ZBTB16: variants seen among roughly 807,000 people sequenced by gnomAD.
The protein encoded by ZBTB16 is zinc finger and BTB domain-containing protein 16.
In ZBTB16, 8 loss-of-function variants were observed where a neutral mutation model predicts 56.8. The observed-to-expected ratio is 0.14, with a 90% confidence interval of 0.08 to 0.25. ZBTB16 has a LOEUF of 0.25. Ranked by LOEUF, ZBTB16 falls within the 10% of genes least tolerant of loss-of-function variation. The pLI is 1.00. For missense variants in ZBTB16, 625 were observed against 903.0 expected, an observed-to-expected ratio of 0.69 and a Z score of 3.95; for synonymous variants, 363 against 368.5, an observed-to-expected ratio of 0.98 and a Z score of 0.17.
intron 2 of ZBTB16, among the ~76,000 whole-genome samples, chr11:114,139,289 G>C (rs1941881713): frequency 6.6e-6 from 1 of 152,136 alleles, no homozygotes; most frequent in African/African-American, 2.4e-5. Context: ...AGTCCTGAAG[G>C]GGATGGGGGC....
In ZBTB16 at chr11:114,250,409, G is replaced by T; in HGVS notation, c.1876G>T (p.Gly626Cys). 1.9e-6 allele frequency: 3 copies of T among 1,614,064 alleles called. No individual in the cohort carries two copies. In the South Asian group the frequency reaches 3.3e-5, roughly 18 times the overall value. ...AMIKHLRTHN[G>C]ASPYQCTICT... is the part of the protein sequence containing the mutation. ...GATCAAGCACCTGAGAACGCACAAC[G>T]GCGCCTCGCCCTACCAGTGCACCAT... Residue 626 changes from glycine (G) to cysteine (C), a missense_variant, in exon 7 of 7, where the codon GGC (glycine) becomes TGC (cysteine). By Grantham distance (159) the Gly-to-Cys change is radical. Coordinates refer to ENST00000335953, the MANE Select transcript of ZBTB16 (RefSeq NM_006006.6). The surrounding 1 kb of genome is among the most constrained non-coding windows in gnomAD (Gnocchi z 6.0).
intron 4 of ZBTB16, among the ~76,000 whole-genome samples, chr11:114,202,139 C>G (rs1943750427): frequency 6.6e-6 from 1 of 152,194 alleles, no homozygotes; most frequent in Non-Finnish European, 1.5e-5. Context: ...CTGTCTTGTT[C>G]ACTATGGGCC....
At chr11:114,197,457 C>T (rs971899120) in intron 4 of ZBTB16, among the ~76,000 whole-genome samples, 5 of 151,942 alleles carry the variant, frequency 3.3e-5, no homozygotes, top group Admixed American at 3.3e-4. Flanking sequence ...CTCTCTTTGT[C>T]TCTCTCTCTC....
chr11:114,237,526 A>C (rs1176805408), intron 4 of ZBTB16, among the ~76,000 whole-genome samples: 1 of 152,246 alleles, frequency 6.6e-6, no homozygotes, highest in Non-Finnish European at 1.5e-5. Flanking sequence ...AGAGCGTTCC[A>C]GTGCTGCCGG....
intron 2 of ZBTB16, among the ~76,000 whole-genome samples, chr11:114,121,119 C>T (rs150318910): frequency 6.6e-6 from 1 of 152,346 alleles, no homozygotes; most frequent in East Asian, 1.9e-4. Context: ...CTGGGTTTTT[C>T]AGATCCCACT....
At chr11:114,217,136 G>C (rs139386768) in intron 4 of ZBTB16, among the ~76,000 whole-genome samples, 1 of 152,348 alleles carries the variant, frequency 6.6e-6, no homozygotes, top group Non-Finnish European at 1.5e-5. Flanking sequence ...GGCCTGAGTA[G>C]CTCAGCTGAG....
At chr11:114,231,748 A>G (rs1257450711) in intron 4 of ZBTB16, among the ~76,000 whole-genome samples, 1 of 152,172 alleles carries the variant, frequency 6.6e-6, no homozygotes, top group Non-Finnish European at 1.5e-5. Context: ...TCTTTAGCTA[A>G]AAGAAGGCTG....
rs1414620250 is a variant in ZBTB16, at chr11:114,064,014, G to A, written c.714G>A (p.Val238=). The A allele has an allele frequency of 6.2e-7, 1 of 1,613,318 alleles. No individual in the cohort carries two copies. The highest frequency in any genetic ancestry group is 8.5e-7 in the Non-Finnish European group (1 of 1,179,690). The change falls in exon 2 of 7, where the codon GTG becomes GTA. Residue 238 remains valine (V), a synonymous_variant. Coordinates refer to ENST00000335953, the MANE Select transcript of ZBTB16 (RefSeq NM_006006.6). This position sits in a 1 kb window ranked among gnomAD's most constrained non-coding sequence, Gnocchi z 4.2. ...TLAGGGRHPG[V]AEVKTEMMQV... ...CTGGGGGTGGGCGGCACCCTGGGGTGGCTGAGGTGAAGACGGAGATGATGC... is the reference window on the plus strand; with the variant it reads ...CTGGGGGTGGGCGGCACCCTGGGGTAGCTGAGGTGAAGACGGAGATGATGC...
intron 2 of ZBTB16, among the ~76,000 whole-genome samples, chr11:114,079,375 T>A (rs998977593): frequency 2.0e-5 from 3 of 152,206 alleles, no homozygotes; most frequent in Non-Finnish European, 4.4e-5. Flanking sequence ...TGAAATCTTT[T>A]GTTTTGGGCA....
chr11:114,067,370 G>A (rs1939155711), intron 2 of ZBTB16, among the ~76,000 whole-genome samples: 1 of 152,148 alleles, frequency 6.6e-6, no homozygotes, highest in Admixed American at 6.5e-5. Flanking sequence ...AATCCTCCGT[G>A]TCACATGTGG....
intron 2 of ZBTB16, among the ~76,000 whole-genome samples, chr11:114,078,776 T>A (rs1400116285): frequency 6.6e-6 from 1 of 152,004 alleles, no homozygotes; most frequent in Non-Finnish European, 1.5e-5. Context: ...CAGTATGGAA[T>A]GAAGGGAAGA....
At position 114,064,936 on chromosome 11, in the gene ZBTB16, T is replaced by C. The variant is rs1358086769; in HGVS notation, c.1268+368T>C. ...GAAAAGGAGTGGGATGAGGGTCTCT[T>C]GGGCCCTGCATCTGACCATGTTACT... On this transcript the variant is annotated intron_variant, in intron 2 of 6. Transcript: ENST00000335953. The surrounding 1 kb of genome is among the most constrained non-coding windows in gnomAD (Gnocchi z 4.2). 3.9e-5 allele frequency among the ~76,000 whole-genome samples: 6 copies of C among 152,156 alleles called. No individual in the cohort carries two copies. Among genetic ancestry groups the C allele is most frequent in the Non-Finnish European group, 8.8e-5 (6 of 68,032 alleles).
intron 4 of ZBTB16, among the ~76,000 whole-genome samples, chr11:114,206,520 T>C (rs1464645122): frequency 6.6e-6 from 1 of 152,104 alleles, no homozygotes; most frequent in African/African-American, 2.4e-5. Flanking sequence ...CGTCTGTGAG[T>C]CAGGGTCTGC....
rs759674162 is a variant in ZBTB16, at chr11:114,251,446, A to G, written c.*891A>G. 2.0e-5 allele frequency among the ~76,000 whole-genome samples: 3 copies of G among 152,172 alleles called. No homozygotes were observed. Among genetic ancestry groups the G allele is most frequent in the Non-Finnish European group, 4.4e-5 (3 of 68,024 alleles). On this transcript the variant is annotated 3_prime_UTR_variant, in exon 7 of 7. Coordinates refer to ENST00000335953, the MANE Select transcript of ZBTB16 (RefSeq NM_006006.6). ...CCAAAATGGAAAAGCATCACAACTA[A>G]ATACCTAATATCCTACCAAACAAAC... is the stretch of plus-strand genomic sequence containing the variant.
intron 2 of ZBTB16, among the ~76,000 whole-genome samples, chr11:114,071,369 C>T (rs1939342251): frequency 6.6e-6 from 1 of 151,904 alleles, no homozygotes. Context: ...AGGAAAGTTG[C>T]CCACTCTTTC....
At chr11:114,079,068 C>T (rs1939671190) in intron 2 of ZBTB16, among the ~76,000 whole-genome samples, 1 of 150,326 alleles carries the variant, frequency 6.7e-6, no homozygotes, top group Non-Finnish European at 1.5e-5. Context: ...CCAGATCCTG[C>T]CGTTGCACTC....
rs532037182 is a variant in ZBTB16, at chr11:114,117,301, T to C, written c.1269-39036T>C. ...AGAGAGAGAAGCCGACCTTTTATTC[T>C]GTAATTTGGGAGAAGGTGTTGAAAG... On this transcript the variant is annotated intron_variant, in intron 2 of 6. Transcript: ENST00000335953. Among the ~76,000 whole-genome samples, 9 of 152,196 alleles carry C rather than the reference T, an allele frequency of 5.9e-5. No homozygotes were observed. The South Asian group carries it at 1.9e-3, about 32-fold the overall frequency.
At chr11:114,213,899 G>A (rs1277744144) in intron 4 of ZBTB16, among the ~76,000 whole-genome samples, 1 of 152,160 alleles carries the variant, frequency 6.6e-6, no homozygotes, top group Non-Finnish European at 1.5e-5. Flanking sequence ...CACCATGAAT[G>A]ACTGCAGAGT....
chr11:114,174,184 C>A (rs951522150), intron 3 of ZBTB16, among the ~76,000 whole-genome samples: 1 of 152,190 alleles, frequency 6.6e-6, no homozygotes, highest in African/African-American at 2.4e-5. Context: ...GTGCTGCTCC[C>A]AGCCCAGGCT....
Sources: allele counts gnomAD v4.1 joint callset (sites outside exome capture counted in the v4.1 genomes callset), GRCh38; gene constraint gnomAD v4.1.1; non-coding constraint Gnocchi (gnomAD v3.1); transcripts MANE v1.5; gene names NCBI Gene and HGNC (gene_info 2026-07-23, HGNC 2026-07-21).